OTUD3: variants seen among roughly 807,000 people sequenced by gnomAD.
The protein encoded by OTUD3 is OTU deubiquitinase 3, also known as OTU domain-containing protein 3.
A neutral mutation model predicts 46.2 loss-of-function variants in OTUD3; 24 were observed. That is an observed-to-expected ratio of 0.52 (90% confidence interval 0.38 to 0.73). OTUD3 has a LOEUF of 0.73. Among genes scored for constraint, OTUD3 ranks in the 30% least tolerant of loss-of-function variants. The pLI, the probability that OTUD3 is intolerant of heterozygous loss-of-function variation, is 0.00. For missense variants in OTUD3, 455 were observed against 523.3 expected (o/e 0.87, Z 1.27); for synonymous variants, 189 against 195.4 (o/e 0.97, Z 0.27).
At chr1:19,883,027 G>C (rs952416877) in intron 1 of OTUD3, among the ~76,000 whole-genome samples, 3 of 152,234 alleles carry the variant, frequency 2.0e-5, no homozygotes, top group African/African-American at 7.2e-5. Context: ...ATTGTGGCCA[G>C]GAAGGGCTCT....
chr1:19,906,493 G>T lies in OTUD3; in HGVS notation c.897G>T (p.Glu299Asp). 6.2e-7 allele frequency: 1 copy of T among 1,614,096 alleles called. No homozygotes were observed. The highest frequency in any genetic ancestry group is 8.5e-7 in the Non-Finnish European group (1 of 1,179,992). Residue 299 changes from glutamate to aspartate, a missense_variant, in exon 7 of 8, where the codon GAG becomes GAT. Physicochemically the swap from Glu to Asp is conservative, Grantham distance 45. Coordinates refer to ENST00000375120, the MANE Select transcript of OTUD3 (RefSeq NM_015207.2). ...RVLKQCGPLWEEGGSGARIFG... is the reference protein window; with the variant it reads ...RVLKQCGPLWDEGGSGARIFG... ...TGAAGCAGTGTGGCCCTTTGTGGGA[G>T]GAGGGTGGCAGTGGTGCCAGAATCT...
At chr1:19,885,408 A>G (rs1476743639) in intron 1 of OTUD3, among the ~76,000 whole-genome samples, 1 of 152,144 alleles carries the variant, frequency 6.6e-6, no homozygotes, top group Non-Finnish European at 1.5e-5. Flanking sequence ...TTATCACTGC[A>G]GGGGATGGTG....
intron 1 of OTUD3, 92 bp from the exon 2 acceptor site, chr1:19,890,293 A>C: frequency 7.7e-7 from 1 of 1,303,556 alleles, no homozygotes; most frequent in Non-Finnish European, 1.1e-6. Flanking sequence ...TGCACAAAAT[A>C]TTTCCATGGA....
chr1:19,906,364 A>T, intron 6 of OTUD3, 68 bp from the exon 7 acceptor site: 1 of 1,428,520 alleles, frequency 7.0e-7, no homozygotes, highest in South Asian at 1.4e-5. Context: ...TTTTGGAATC[A>T]TTAATACAGT....
At chr1:19,887,171 GC>G (rs2045375692) in intron 1 of OTUD3, among the ~76,000 whole-genome samples, 1 of 148,204 alleles carries the variant, frequency 6.7e-6, no homozygotes, top group Non-Finnish European at 1.5e-5. Context: ...TGGAACCTCT[GC>G]CTCCCAGGTT....
chr1:19,888,222 C>CA (rs1004970253), intron 1 of OTUD3, among the ~76,000 whole-genome samples: 12 of 152,074 alleles, frequency 7.9e-5, no homozygotes, highest in Non-Finnish European at 1.8e-4. Flanking sequence ...CCTCCCACAA[C>CA]AAAAAAATGA....
At chr1:19,884,277 G>A (rs940315675) in intron 1 of OTUD3, among the ~76,000 whole-genome samples, 6 of 152,162 alleles carry the variant, frequency 3.9e-5, no homozygotes, top group Admixed American at 1.3e-4. Flanking sequence ...GTACTCAATA[G>A]AAGGTTACTT....
intron 1 of OTUD3, among the ~76,000 whole-genome samples, chr1:19,884,929 A>G (rs757205504): frequency 6.6e-6 from 1 of 152,312 alleles, no homozygotes; most frequent in Non-Finnish European, 1.5e-5. Flanking sequence ...CTACTACTCT[A>G]TGAATTGGCC....
chr1:19,906,849 A>G (rs2045668427), intron 7 of OTUD3: 1 of 361,232 alleles, frequency 2.8e-6, no homozygotes, highest in East Asian at 4.7e-5. Flanking sequence ...TCAGTGTACA[A>G]ATGAAAAGCC....
intron 4 of OTUD3, 21 bp from the exon 5 acceptor site, chr1:19,904,246 A>T (rs2045628399): frequency 2.5e-6 from 4 of 1,572,440 alleles, no homozygotes; most frequent in Non-Finnish European, 3.5e-6. Context: ...TAGTTCCCTG[A>T]TTATTACTTG....
chr1:19,899,331 T>C (rs2045557704), intron 4 of OTUD3, among the ~76,000 whole-genome samples: 1 of 152,158 alleles, frequency 6.6e-6, no homozygotes, highest in South Asian at 2.1e-4. Flanking sequence ...ATTTTTACTC[T>C]CCCCACCACT....
intron 4 of OTUD3, among the ~76,000 whole-genome samples, chr1:19,901,530 A>G (rs908617642): frequency 6.6e-6 from 1 of 152,262 alleles, no homozygotes; most frequent in African/African-American, 2.4e-5. Context: ...CAAAATTCAC[A>G]TAACATAAAA....
At chr1:19,892,212 GAAGT>G (rs757854657) in intron 2 of OTUD3, among the ~76,000 whole-genome samples, 2 of 152,202 alleles carry the variant, frequency 1.3e-5, no homozygotes, top group South Asian at 2.1e-4. Flanking sequence ...GAGCATCACA[GAAGT>G]AAGAAGTCAC....
chr1:19,898,579 T>C (rs889232377), intron 4 of OTUD3, among the ~76,000 whole-genome samples: 1 of 151,644 alleles, frequency 6.6e-6, no homozygotes, highest in Non-Finnish European at 1.5e-5. Flanking sequence ...AAATACAAAA[T>C]TAGCCGGGTG....
intron 6 of OTUD3, 60 bp from the exon 7 acceptor site, chr1:19,906,372 A>T: frequency 2.0e-6 from 3 of 1,483,404 alleles, no homozygotes; most frequent in Non-Finnish European, 2.8e-6. Flanking sequence ...TCATTAATAC[A>T]GTCATCACCC....
intron 3 of OTUD3, among the ~76,000 whole-genome samples, chr1:19,895,449 C>G (rs1377377883): frequency 6.6e-6 from 1 of 152,342 alleles, no homozygotes; most frequent in Admixed American, 6.5e-5. Flanking sequence ...GCCCCCTCCC[C>G]CAATACCCAG....
rs1438163583 is a variant in OTUD3 at position 19,904,263 on chromosome 1, T to C, written c.607-4T>C. The C allele has an allele frequency of 6.3e-7, 1 of 1,590,956 alleles. No homozygotes were observed. Among genetic ancestry groups the C allele is most frequent in the Non-Finnish European group, 8.5e-7 (1 of 1,170,692 alleles). On this transcript the variant is annotated splice_region_variant and splice_polypyrimidine_tract_variant and intron_variant, in intron 4 of 7. Transcript: ENST00000375120. ...GTTCCCTGATTATTACTTGTTTCCT[T>C]TAGTTTCAGATGCTTCATCAAGATG...
chr1:19,896,814 C>T (rs1028190323), intron 3 of OTUD3, among the ~76,000 whole-genome samples: 1 of 152,184 alleles, frequency 6.6e-6, no homozygotes, highest in Non-Finnish European at 1.5e-5. Flanking sequence ...TACTGCACAA[C>T]TCTAGGGAGC....
At position 19,882,714 on chromosome 1, in the gene OTUD3, G is replaced by T; in HGVS notation, c.201G>T (p.Leu67=). 1.4e-6 allele frequency: 2 copies of T among 1,388,740 alleles called. No homozygotes were observed. Among genetic ancestry groups the T allele is most frequent in the Non-Finnish European group, 1.9e-6 (2 of 1,069,806 alleles). The allele number at this position is 1,388,740 out of a possible 1,614,324, so 86.0% of individuals were successfully genotyped here. Residue 67 remains leucine (L), a synonymous_variant, in exon 1 of 8, where the codon CTG becomes CTT. Coordinates refer to ENST00000375120, the MANE Select transcript of OTUD3 (RefSeq NM_015207.2). ...AGCTGCAGGCCCTGGGGCTGAAGCT[G>T]CGGGAGGTGCCGGGGGACGGGTGAG... ...ANQLQALGLK[L]REVPGDGNCL...
Sources: allele counts gnomAD v4.1 joint callset (sites outside exome capture counted in the v4.1 genomes callset), GRCh38; gene constraint gnomAD v4.1.1; transcripts MANE v1.5; gene names NCBI Gene and HGNC (gene_info 2026-07-23, HGNC 2026-07-21).